Variants in NID2 observed in about 807,000 individuals in gnomAD.
The protein encoded by NID2 is nidogen-2.
Under a neutral mutation model 145.4 loss-of-function variants are expected in NID2, and 83 were observed. That is an observed-to-expected ratio of 0.57 (90% confidence interval 0.48 to 0.69). NID2 has a LOEUF of 0.69. Ranked by LOEUF, NID2 falls within the 30% of genes least tolerant of loss-of-function variation. The pLI, the probability that NID2 is intolerant of heterozygous loss-of-function variation, is 0.00. For missense variants in NID2, 1,807 were observed against 1,765.7 expected, an observed-to-expected ratio of 1.02 and a Z score of -0.42; for synonymous variants, 739 against 701.3, an observed-to-expected ratio of 1.05 and a Z score of -0.85.
At position 52,015,263 on chromosome 14, in the gene NID2, C is replaced by T. The variant is rs757143310; in HGVS notation, c.3041G>A (p.Arg1014Lys). ...HCGPSPEPTQ[R>K]PPTICERWRE... ...CCAGCGCTCACAGATGGTCGGGGGC[C>T]TCTGGGTGGGCTCTGAGCAGATGGG... Residue 1014 changes from arginine to lysine, a missense_variant, in exon 15 of 22, where the codon AGG becomes AAG. Arg to Lys is a conservative substitution (Grantham distance 26). Transcript: ENST00000216286. 6.2e-7 allele frequency: 1 copy of T among 1,610,756 alleles called. No individual in the cohort carries two copies. The highest frequency in any genetic ancestry group is 8.5e-7 in the Non-Finnish European group (1 of 1,177,306).
At chr14:52,005,910 CA>C in intron 20 of NID2, 61 bp from the exon 21 acceptor site, 8 of 1,279,226 alleles carry the variant, frequency 6.3e-6, no homozygotes, top group Non-Finnish European at 9.1e-6. Context: ...AGAAGTCAGT[CA>C]GCCACAGAAA....
At position 52,053,772 on chromosome 14, in the gene NID2, T is replaced by C; in HGVS notation, c.1236A>G (p.Pro412=). 1 of 1,614,132 alleles carries C rather than the reference T, an allele frequency of 6.2e-7. No homozygotes were observed. Among genetic ancestry groups the C allele is most frequent in the South Asian group, 1.1e-5 (1 of 91,074 alleles). The part of the protein sequence containing the change: ...DSLAPSWETP[P]PYPENGSIQP... ...GGATGCTTCCGTTTTCGGGGTACGG[T>C]GGTGGGGTTTCCCAGGAAGGAGCCA... The change falls in exon 5 of 22, where the codon CCA becomes CCG. Residue 412 remains proline, a synonymous_variant. Transcript: ENST00000216286.
chr14:52,014,942 C>A, intron 15 of NID2, 112 bp downstream of exon 15: 2 of 852,152 alleles, frequency 2.3e-6, no homozygotes, highest in South Asian at 1.6e-5. Flanking sequence ...ATAGTGACTT[C>A]TTTCATTAGA....
At chr14:52,027,633 T>TACATACAC (rs141906245) in intron 11 of NID2, among the ~76,000 whole-genome samples, 4 of 144,162 alleles carry the variant, frequency 2.8e-5, no homozygotes, top group African/African-American at 1.0e-4. Flanking sequence ...GAGCAATTGC[T>TACATACAC]ACACACACAC....
chr14:52,040,588 G>T, intron 8 of NID2, 63 bp downstream of exon 8: 1 of 1,403,792 alleles, frequency 7.1e-7, no homozygotes. Context: ...TTTAAGCCTT[G>T]TATCTATCTT....
chr14:52,022,405 C>T (rs1333826261), intron 12 of NID2, among the ~76,000 whole-genome samples: 1 of 152,136 alleles, frequency 6.6e-6, no homozygotes, highest in Non-Finnish European at 1.5e-5. Flanking sequence ...CTTGGAGGGC[C>T]TCTCACACCA....
chr14:52,035,393 T>C (rs1406223015), intron 9 of NID2, among the ~76,000 whole-genome samples: 3 of 152,236 alleles, frequency 2.0e-5, no homozygotes, highest in African/African-American at 7.2e-5. Flanking sequence ...GACTAGCTGC[T>C]TTCACAGAGC....
rs193162745 is a variant in NID2 at position 52,042,081 on chromosome 14, G to A, written c.1825+24C>T. On this transcript the variant is annotated intron_variant, in intron 7 of 21. Coordinates refer to ENST00000216286, the MANE Select transcript of NID2 (RefSeq NM_007361.4). ...CACTGCCAAAGCAATGCTGACTACCGGCCTTCTCAGAGGCCCTACTCACCT... is the reference window on the plus strand; with the variant it reads ...CACTGCCAAAGCAATGCTGACTACCAGCCTTCTCAGAGGCCCTACTCACCT... 9.4e-5 allele frequency: 147 copies of A among 1,559,592 alleles called. 1 individual carries two copies. The highest frequency in any genetic ancestry group is 9.0e-4 in the East Asian group (40 of 44,368).
At chr14:52,015,023 C>T in intron 15 of NID2, 31 bp downstream of exon 15, 2 of 1,573,232 alleles carry the variant, frequency 1.3e-6, no homozygotes, top group Non-Finnish European at 8.7e-7. Flanking sequence ...TTAGATACAG[C>T]TGAGGGGAGC....
intron 14 of NID2, among the ~76,000 whole-genome samples, chr14:52,016,533 T>C (rs1408640307): frequency 6.6e-6 from 1 of 152,148 alleles, no homozygotes; most frequent in Non-Finnish European, 1.5e-5. Flanking sequence ...ACATTTGATA[T>C]GTCAAAAACT....
chr14:52,005,421 A>G lies in NID2; in HGVS notation c.*65T>C, dbSNP rs1435785918. On this transcript the variant is annotated 3_prime_UTR_variant, in exon 22 of 22. Transcript: ENST00000216286. ...CCTTTTTTACTTTCTTTGCCTTTGC[A>G]GTCACTGTTCTTTAGGGTCCAGGTT... 3 of 1,444,210 alleles carry G rather than the reference A, an allele frequency of 2.1e-6. No individual in the cohort carries two copies. The highest frequency in any genetic ancestry group is 2.3e-5 in the Admixed American group (1 of 42,556). The allele number at this position is 1,444,210 out of a possible 1,614,324, so 89.5% of individuals were successfully genotyped here. A position where few individuals can be genotyped will look rare whatever the true frequency, so the allele number is the denominator to read the frequency against.
rs563194009 is a variant in NID2 at position 52,005,732 on chromosome 14, T to A, written c.4117+5A>T. ...TAAAGGAGCATCCTAAAGCATACTT[T>A]TTACCTGTTGGGCAGTAGGGGTAGA... On this transcript the variant is annotated splice_donor_5th_base_variant and intron_variant, in intron 21 of 21. Transcript: ENST00000216286. 2 of 1,607,380 alleles carry A rather than the reference T, an allele frequency of 1.2e-6. No homozygotes were observed. Among genetic ancestry groups the A allele is most frequent in the African/African-American group, 2.7e-5 (2 of 74,916 alleles).
intron 12 of NID2, among the ~76,000 whole-genome samples, chr14:52,026,761 T>C (rs1566752268): frequency 6.6e-6 from 1 of 152,232 alleles, no homozygotes; most frequent in African/African-American, 2.4e-5. Flanking sequence ...TTTTTATATA[T>C]GTGGAGTTCT....
Position 52,019,064 on chromosome 14 carries a change from G to A in NID2, c.3025C>T (p.Pro1009Ser), listed in dbSNP as rs1891311233. 71 of 1,613,196 alleles carry A rather than the reference G, an allele frequency of 4.4e-5. No homozygotes were observed. The highest frequency in any genetic ancestry group is 6.0e-5 in the Non-Finnish European group (71 of 1,179,326). ...GSTPPHCGPS[P>S]EPTQRPPTIC... ...TGAGCCCCAGGCCTAAGCTCACCTG[G>A]TGATGGTCCACAGTGAGGCGGGGTG... The change falls in exon 14 of 22, where the codon CCA (proline) becomes TCA (serine). Residue 1009 changes from proline to serine, a missense_variant. Coordinates refer to ENST00000216286, the MANE Select transcript of NID2 (RefSeq NM_007361.4).
intron 5 of NID2, among the ~76,000 whole-genome samples, chr14:52,048,642 G>A (rs1892586775): frequency 6.6e-6 from 1 of 152,164 alleles, no homozygotes; most frequent in African/African-American, 2.4e-5. Flanking sequence ...GGCCTACAGA[G>A]ATGAAACAAT....
chr14:52,068,818 C>T lies in NID2; in HGVS notation c.177G>A (p.Val59=). 6.2e-7 allele frequency: 1 copy of T among 1,611,124 alleles called. No homozygotes were observed. The highest frequency in any genetic ancestry group is 8.5e-7 in the Non-Finnish European group (1 of 1,179,992). The change falls in exon 1 of 22, where the codon GTG becomes GTA. Residue 59 remains valine, a synonymous_variant. Transcript: ENST00000216286. ...AGAAGTGCAGGGGATTCGCCAGCTT[C>T]ACCACGGCTGAGCTTTCGTCGTCGC... The part of the protein sequence containing the change: ...QEGDDESSAV[V]KLANPLHFYE...
At chr14:52,048,600 A>C (rs770569625) in intron 5 of NID2, among the ~76,000 whole-genome samples, 2 of 152,186 alleles carry the variant, frequency 1.3e-5, no homozygotes, top group Non-Finnish European at 2.9e-5. Context: ...TCTAGTTAGA[A>C]GATATCTCCA....
intron 11 of NID2, among the ~76,000 whole-genome samples, chr14:52,028,425 C>T (rs1253455547): frequency 3.3e-5 from 5 of 152,166 alleles, no homozygotes; most frequent in Admixed American, 2.0e-4. Context: ...CAGGCGTGTG[C>T]CACCACACCT....
At position 52,060,269 on chromosome 14, in the gene NID2, C is replaced by T; in HGVS notation, c.622G>A (p.Gly208Arg). The T allele has an allele frequency of 6.2e-7, 1 of 1,612,580 alleles. No homozygotes were observed. Among genetic ancestry groups the T allele is most frequent in the Non-Finnish European group, 8.5e-7 (1 of 1,179,812 alleles). The change falls in exon 3 of 22, where the codon GGA becomes AGA. Residue 208 changes from glycine to arginine, a missense_variant. Physicochemically the swap from Gly to Arg is moderately radical, Grantham distance 125. Transcript: ENST00000216286. ...TTGTAAGACTCTTTGGGGCGGGTTCCAAGGAACTGCAGGCCGTTGGCAGGA... is the reference window on the plus strand; with the variant it reads ...TTGTAAGACTCTTTGGGGCGGGTTCTAAGGAACTGCAGGCCGTTGGCAGGA... ...LYPANGLQFLGTRPKESYNVQ... is the reference protein window; with the variant it reads ...LYPANGLQFLRTRPKESYNVQ...
Sources: gnomAD v4.1 joint callset for allele counts (sites outside exome capture counted in the v4.1 genomes callset) on GRCh38, gnomAD v4.1.1 for gene constraint, MANE v1.5 for transcripts, NCBI Gene and HGNC (gene_info 2026-07-23, HGNC 2026-07-21) for gene names.